MYRIP: variants seen among roughly 807,000 people sequenced by gnomAD.
The protein encoded by MYRIP is rab effector MyRIP.
A neutral mutation model predicts 98.0 loss-of-function variants in MYRIP; 49 were observed. The observed-to-expected ratio is 0.50, with a 90% CI of 0.40 to 0.63. The LOEUF (loss-of-function observed/expected upper bound fraction) is 0.63. Among genes scored for constraint, MYRIP ranks in the 30% least tolerant of loss-of-function variants. The pLI is 0.00. For synonymous variants in MYRIP, 404 were observed against 409.5 expected (o/e 0.99, Z 0.16); for missense variants, 1,004 against 1,058.2 (o/e 0.95, Z 0.71).
At chr3:40,062,138 T>A (rs1018985445) in intron 3 of MYRIP, among the ~76,000 whole-genome samples, 9 of 152,198 alleles carry the variant, frequency 5.9e-5, no homozygotes, top group African/African-American at 2.2e-4. Context: ...TGTTGCAATT[T>A]CTTTTGGTGT....
intron 1 of MYRIP, among the ~76,000 whole-genome samples, chr3:39,844,515 T>C (rs1575297216): frequency 2.0e-5 from 3 of 152,246 alleles, no homozygotes; most frequent in Admixed American, 1.3e-4. Context: ...ATAGGTGGCA[T>C]AGGCATCTGA....
chr3:40,148,600 T>C (rs1157919149), intron 3 of MYRIP, among the ~76,000 whole-genome samples: 1 of 152,234 alleles, frequency 6.6e-6, no homozygotes, highest in Non-Finnish European at 1.5e-5. Context: ...CTTCTACATA[T>C]ATTTCACATC....
At chr3:39,848,243 C>T (rs1942027979) in intron 1 of MYRIP, among the ~76,000 whole-genome samples, 1 of 152,144 alleles carries the variant, frequency 6.6e-6, no homozygotes, top group Non-Finnish European at 1.5e-5. Flanking sequence ...TGCAAATGCT[C>T]ATTATAGATA....
rs1159688371 is a variant in MYRIP at position 40,025,666 on chromosome 3, AAG to A, written c.111-18378_111-18377del. Among the ~76,000 whole-genome samples, 3 of 152,016 alleles carry A rather than the reference AAG, an allele frequency of 2.0e-5. No homozygotes were observed. The East Asian group carries it at 5.8e-4, about 29-fold the overall frequency. On this transcript the variant is annotated intron_variant, in intron 2 of 16. Coordinates refer to ENST00000302541, the MANE Select transcript of MYRIP (RefSeq NM_015460.4). ...CTGAGAAATAAAGAGAAAGAGTGCA[AAG>A]AGAGAAATTTTACAGCTGGGCCACG...
chr3:40,161,200 A>G (rs1481909624), intron 4 of MYRIP, among the ~76,000 whole-genome samples: 1 of 152,208 alleles, frequency 6.6e-6, no homozygotes, highest in Non-Finnish European at 1.5e-5. Flanking sequence ...CATGCTTTCC[A>G]GAACAATTCA....
chr3:40,097,295 A>G (rs560278086), intron 3 of MYRIP, among the ~76,000 whole-genome samples: 1 of 152,312 alleles, frequency 6.6e-6, no homozygotes, highest in African/African-American at 2.4e-5. Context: ...GTGGTCTCAC[A>G]GAGAGGAAGT....
intron 2 of MYRIP, among the ~76,000 whole-genome samples, chr3:39,944,805 G>C (rs550925314): frequency 2.6e-5 from 4 of 151,870 alleles, no homozygotes; most frequent in African/African-American, 4.8e-5. Flanking sequence ...ATATACAATC[G>C]CAAGAAGTAT....
chr3:39,841,459 T>C (rs1290390825), intron 1 of MYRIP, among the ~76,000 whole-genome samples: 2 of 152,154 alleles, frequency 1.3e-5, no homozygotes, highest in Non-Finnish European at 2.9e-5. Context: ...CTTCTGTCAA[T>C]TCATCAAGTC....
At chr3:40,230,881 C>T (rs1176109854) in intron 11 of MYRIP, among the ~76,000 whole-genome samples, 1 of 150,936 alleles carries the variant, frequency 6.6e-6, no homozygotes, top group Non-Finnish European at 1.5e-5. Flanking sequence ...GGCTGGAGTG[C>T]AATGGCGGGT....
intron 1 of MYRIP, among the ~76,000 whole-genome samples, chr3:39,875,845 T>A: frequency 6.6e-6 from 1 of 151,980 alleles, no homozygotes; most frequent in Non-Finnish European, 1.5e-5. Flanking sequence ...GTTCTGTAGA[T>A]GTCTATTAGG....
chr3:39,851,911 C>T (rs548200191), intron 1 of MYRIP, among the ~76,000 whole-genome samples: 2 of 152,194 alleles, frequency 1.3e-5, no homozygotes, highest in African/African-American at 4.8e-5. Context: ...TGGAGCTGGT[C>T]AGGCTTCTCC....
chr3:40,189,683 G>A, intron 9 of MYRIP, 143 bp from the exon 10 acceptor site: 1 of 803,574 alleles, frequency 1.2e-6, no homozygotes, highest in African/African-American at 1.7e-5. Flanking sequence ...CCACCAATTG[G>A]GTTTGCCTTC....
At chr3:40,187,064 T>A (rs1470757058) in intron 9 of MYRIP, among the ~76,000 whole-genome samples, 1 of 152,222 alleles carries the variant, frequency 6.6e-6, no homozygotes, top group African/African-American at 2.4e-5. Context: ...GACTATCAGA[T>A]ACATATATAT....
At chr3:39,868,283 G>C (rs1472232376) in intron 1 of MYRIP, among the ~76,000 whole-genome samples, 6 of 152,164 alleles carry the variant, frequency 3.9e-5, no homozygotes, top group African/African-American at 1.4e-4. Context: ...CTTGGATATT[G>C]TATGTTCTTT....
chr3:40,199,284 A>T (rs1328152702), intron 10 of MYRIP, among the ~76,000 whole-genome samples: 1 of 151,994 alleles, frequency 6.6e-6, no homozygotes, highest in Non-Finnish European at 1.5e-5. Flanking sequence ...TCATAATGTC[A>T]CTCAATGTTG....
chr3:40,049,977 A>G (rs1947756547), intron 3 of MYRIP, among the ~76,000 whole-genome samples: 1 of 152,154 alleles, frequency 6.6e-6, no homozygotes, highest in African/African-American at 2.4e-5. Context: ...AGAGGTGAGG[A>G]AGCTGCAGTG....
chr3:40,183,794 A>G (rs1417940220), intron 9 of MYRIP, among the ~76,000 whole-genome samples: 91 of 152,256 alleles, frequency 6.0e-4, no homozygotes, highest in Admixed American at 6.0e-3. Context: ...ACAACAAAAA[A>G]GATTAACAGC....
Position 40,216,539 on chromosome 3 carries a change from T to C in MYRIP, c.1905+6446T>C, listed in dbSNP as rs115670588. 9.4e-3 allele frequency among the ~76,000 whole-genome samples: 1,429 copies of C among 152,242 alleles called. 10 individuals are homozygous for C. The highest frequency in any genetic ancestry group is 0.017 in the Non-Finnish European group (1,161 of 67,998). On this transcript the variant is annotated intron_variant, in intron 11 of 16. Transcript: ENST00000302541. ...TACTAGCAAACTAAATTCCACAACATTAAGAGATTCACATACCATAACTCA... is the reference window on the plus strand; with the variant it reads ...TACTAGCAAACTAAATTCCACAACACTAAGAGATTCACATACCATAACTCA...
At chr3:40,246,034 TTACAGG>T (rs1164887356) in intron 13 of MYRIP, among the ~76,000 whole-genome samples, 2 of 151,328 alleles carry the variant, frequency 1.3e-5, no homozygotes, top group Non-Finnish European at 2.9e-5. Context: ...ACTGCTGGGA[TTACAGG>T]TGTGAGCCAC....
Sources: allele counts gnomAD v4.1 joint callset (sites outside exome capture counted in the v4.1 genomes callset), GRCh38; gene constraint gnomAD v4.1.1; transcripts MANE v1.5; gene names NCBI Gene and HGNC (gene_info 2026-07-23, HGNC 2026-07-21).